Variants in ILRUN observed in about 807,000 individuals in gnomAD.
ILRUN encodes inflammation and lipid regulator with UBA-like and NBR1-like domains, also known as protein ILRUN.
ILRUN carries 3 observed loss-of-function variants against 33.8 expected under a neutral mutation model. That is an observed-to-expected ratio of 0.09 (90% CI 0.04 to 0.23). The LOEUF (loss-of-function observed/expected upper bound fraction) is 0.23. ILRUN is among the 10% of genes least tolerant of loss of function. The pLI is 1.00. For synonymous variants in ILRUN, 124 were observed against 138.9 expected, an observed-to-expected ratio of 0.89 and a Z score of 0.75; for missense variants, 210 against 375.1, an observed-to-expected ratio of 0.56 and a Z score of 3.64.
intron 3 of ILRUN, among the ~76,000 whole-genome samples, chr6:34,627,740 G>A (rs1030220631): frequency 1.4e-4 from 18 of 130,302 alleles, no homozygotes; most frequent in South Asian, 4.7e-4. Context: ...TTTCGCTCTT[G>A]TAGCCCAGGC....
At chr6:34,668,910 C>A (rs527714593) in intron 1 of ILRUN, among the ~76,000 whole-genome samples, 3 of 144,864 alleles carry the variant, frequency 2.1e-5, no homozygotes, top group African/African-American at 7.7e-5. Context: ...ATGGCGTAAT[C>A]TTGGATCACT....
intron 3 of ILRUN, among the ~76,000 whole-genome samples, chr6:34,617,510 CCT>C (rs1341683815): frequency 1.3e-5 from 2 of 152,172 alleles, no homozygotes; most frequent in Non-Finnish European, 2.9e-5. Flanking sequence ...GCCACGCTCC[CCT>C]GACACATGTC....
chr6:34,644,778 G>A (rs1168967394), intron 3 of ILRUN, among the ~76,000 whole-genome samples: 1 of 152,140 alleles, frequency 6.6e-6, no homozygotes, highest in Non-Finnish European at 1.5e-5. Context: ...GGGGGAGGAA[G>A]CAAGAAGGAA....
chr6:34,683,121 A>AAT (rs1056665191), intron 1 of ILRUN, among the ~76,000 whole-genome samples: 3 of 149,956 alleles, frequency 2.0e-5, no homozygotes, highest in Non-Finnish European at 3.0e-5. Context: ...GTCTCAAAAA[A>AAT]ATATATATAT....
Position 34,606,540 on chromosome 6 carries a change from T to C in ILRUN, c.861+15A>G. On this transcript the variant is annotated intron_variant, in intron 4 of 4. Coordinates refer to ENST00000374023, the MANE Select transcript of ILRUN (RefSeq NM_024294.4). ...GGCCCACCACCTACCCCTTCTCTTC[T>C]CCAAGGGCACCTACCTTACTGTAAG... 6.2e-7 allele frequency: 1 copy of C among 1,604,996 alleles called. No homozygotes were observed. The highest frequency in any genetic ancestry group is 8.5e-7 in the Non-Finnish European group (1 of 1,173,828).
intron 3 of ILRUN, among the ~76,000 whole-genome samples, chr6:34,609,955 G>A (rs1041561171): frequency 1.3e-5 from 2 of 151,934 alleles, no homozygotes; most frequent in South Asian, 2.1e-4. Flanking sequence ...TCAGGAGATC[G>A]AGACCATCCT....
Position 34,646,774 on chromosome 6 carries a change from A to G in ILRUN, c.338T>C (p.Val113Ala), listed in dbSNP as rs1281223951. 1 of 1,613,978 alleles carries G rather than the reference A, an allele frequency of 6.2e-7. No homozygotes were observed. Among genetic ancestry groups the G allele is most frequent in the African/African-American group, 1.3e-5 (1 of 75,004 alleles). ...NSGAEAWPPG[V>A]CLKYVGGDQF... ...GTCTCCCCCGACATATTTAAGACAA[A>G]CCCCTGGAGGCCAGGCCTCTGCCCC... Residue 113 changes from valine (V) to alanine (A), a missense_variant, in exon 3 of 5, where the codon GTT becomes GCT. Physicochemically the swap from Val to Ala is moderately conservative, Grantham distance 64. This residue lies in a region of ILRUN where 60 missense variants were observed against 138.1 expected (regional missense o/e 0.43). Coordinates refer to ENST00000374023, the MANE Select transcript of ILRUN (RefSeq NM_024294.4). The surrounding 1 kb of genome is among the most constrained non-coding windows in gnomAD (Gnocchi z 4.9).
intron 2 of ILRUN, among the ~76,000 whole-genome samples, chr6:34,647,749 G>A (rs534256937): frequency 6.6e-6 from 1 of 152,310 alleles, no homozygotes; most frequent in East Asian, 1.9e-4. Flanking sequence ...ATTTTTACAA[G>A]AGATGGGGTT....
At chr6:34,629,619 T>C (rs973563134) in intron 3 of ILRUN, among the ~76,000 whole-genome samples, 1 of 152,200 alleles carries the variant, frequency 6.6e-6, no homozygotes, top group Admixed American at 6.5e-5. Flanking sequence ...TTTCTGCAGT[T>C]TGAGTAGATA....
At chr6:34,614,149 G>A (rs1054666085) in intron 3 of ILRUN, among the ~76,000 whole-genome samples, 3 of 152,122 alleles carry the variant, frequency 2.0e-5, no homozygotes, top group Admixed American at 6.6e-5. Context: ...CTGGCTGGGT[G>A]CGGTGGCTCA....
At chr6:34,642,704 G>A (rs1318588946) in intron 3 of ILRUN, among the ~76,000 whole-genome samples, 2 of 149,544 alleles carry the variant, frequency 1.3e-5, no homozygotes, top group East Asian at 1.9e-4. Context: ...ACAGTGTTCT[G>A]AGAGCTGGGC....
At chr6:34,641,576 C>G (rs1043656689) in intron 3 of ILRUN, among the ~76,000 whole-genome samples, 1 of 152,106 alleles carries the variant, frequency 6.6e-6, no homozygotes, top group Non-Finnish European at 1.5e-5. Context: ...CATGTTTATC[C>G]TTTCCCATTT....
At chr6:34,594,604 T>C (rs768409837) in intron 4 of ILRUN, among the ~76,000 whole-genome samples, 2 of 152,230 alleles carry the variant, frequency 1.3e-5, no homozygotes, top group Non-Finnish European at 2.9e-5. Flanking sequence ...TTGCCTCAGC[T>C]TTCCCTAAGC....
chr6:34,643,917 G>T (rs1476999704), intron 3 of ILRUN, among the ~76,000 whole-genome samples: 1 of 152,148 alleles, frequency 6.6e-6, no homozygotes, highest in Admixed American at 6.5e-5. Context: ...GGCCAGGCTG[G>T]TCTTGAACTC....
chr6:34,683,399 C>CATACATACATATATATATACAT (rs1554189798), intron 1 of ILRUN, among the ~76,000 whole-genome samples: 12 of 111,158 alleles, frequency 1.1e-4, no homozygotes, highest in African/African-American at 3.5e-4. Flanking sequence ...TATATATGCA[C>CATACATACATATATATATACAT]ATATATACAT....
At chr6:34,667,852 G>A (rs573183696) in intron 1 of ILRUN, among the ~76,000 whole-genome samples, 11 of 152,108 alleles carry the variant, frequency 7.2e-5, no homozygotes, top group Admixed American at 1.3e-4. Flanking sequence ...CTAGATAGAA[G>A]TCTAAAGAGA....
intron 4 of ILRUN, among the ~76,000 whole-genome samples, chr6:34,591,163 C>A (rs552259643): frequency 7.2e-5 from 11 of 152,276 alleles, no homozygotes; most frequent in African/African-American, 2.4e-4. Context: ...TTCACTGACA[C>A]CCATTTTACT....
intron 3 of ILRUN, among the ~76,000 whole-genome samples, chr6:34,615,270 T>C (rs1761861261): frequency 2.0e-5 from 3 of 152,176 alleles, no homozygotes; most frequent in African/African-American, 7.2e-5. Flanking sequence ...GGTACAGTAT[T>C]AGAAAATCAT....
At chr6:34,683,206 A>G (rs1218013660) in intron 1 of ILRUN, among the ~76,000 whole-genome samples, 1 of 151,390 alleles carries the variant, frequency 6.6e-6, no homozygotes, top group Non-Finnish European at 1.5e-5. Context: ...ATATATGTAT[A>G]TATGAACAGC....
Sources: allele counts gnomAD v4.1 joint callset (sites outside exome capture counted in the v4.1 genomes callset), GRCh38; gene constraint gnomAD v4.1.1; regional missense constraint gnomAD v4.1.1; non-coding constraint Gnocchi (gnomAD v3.1); transcripts MANE v1.5; gene names NCBI Gene and HGNC (gene_info 2026-07-23, HGNC 2026-07-21).